OTUD7A: variants seen among roughly 807,000 people sequenced by gnomAD.
The protein encoded by OTUD7A is OTU deubiquitinase 7A.
In OTUD7A, 12 loss-of-function variants were observed where a neutral mutation model predicts 65.7. The observed-to-expected ratio is 0.18, with a 90% CI of 0.12 to 0.30. The LOEUF (loss-of-function observed/expected upper bound fraction) is 0.30. OTUD7A is among the 10% of genes least tolerant of loss of function. OTUD7A has a pLI of 1.00. For missense variants in OTUD7A, 1,148 were observed against 1,304.8 expected (o/e 0.88, Z 1.85); for synonymous variants, 641 against 586.3 (o/e 1.09, Z -1.35).
rs530667183 is a variant in OTUD7A at position 31,628,693 on chromosome 15, AT to A, written c.151+26402del. 4.4e-3 allele frequency among the ~76,000 whole-genome samples: 663 copies of A among 152,166 alleles called. 6 individuals are homozygous for A. The highest frequency in any genetic ancestry group is 0.015 in the African/African-American group (637 of 41,504). ...ATAAATTACCTTGGGCAGTATGGCCATTTTCACGATATTGATTCTTCCTACC... is the reference window on the plus strand; with the variant it reads ...ATAAATTACCTTGGGCAGTATGGCCATTTCACGATATTGATTCTTCCTACC... On this transcript the variant is annotated intron_variant, in intron 3 of 12. Coordinates refer to ENST00000307050, the MANE Select transcript of OTUD7A (RefSeq NM_001382637.1).
intron 9 of OTUD7A, among the ~76,000 whole-genome samples, chr15:31,503,059 C>T (rs916400984): frequency 1.3e-5 from 2 of 152,196 alleles, no homozygotes; most frequent in African/African-American, 4.8e-5. Flanking sequence ...GGCTGATCCC[C>T]GCTGGGGACA....
At chr15:31,513,520 G>C (rs1396219325) in intron 8 of OTUD7A, among the ~76,000 whole-genome samples, 1 of 152,188 alleles carries the variant, frequency 6.6e-6, no homozygotes, top group African/African-American at 2.4e-5. Context: ...CCTTCACCTG[G>C]AACATTTCTC....
intron 1 of OTUD7A, among the ~76,000 whole-genome samples, chr15:31,757,076 C>CTG: frequency 6.6e-6 from 1 of 152,240 alleles, no homozygotes; most frequent in East Asian, 1.9e-4. Flanking sequence ...TCTTTAACCT[C>CTG]TGTCCCTGTC....
At chr15:31,609,135 C>T (rs1216430180) in intron 3 of OTUD7A, among the ~76,000 whole-genome samples, 1 of 152,178 alleles carries the variant, frequency 6.6e-6, no homozygotes, top group African/African-American at 2.4e-5. Flanking sequence ...CCTGTCACCA[C>T]AGGGATCGGG....
rs1438083109 is a variant in OTUD7A, at chr15:31,657,047, C to T, written c.-69G>A. ...TTCTCTCCATGCACTGGGGCCTCGG[C>T]CGGGAGAGTCTCTTCTTTCGTCACT... On this transcript the variant is annotated 5_prime_UTR_variant, in exon 2 of 13. Transcript: ENST00000307050. 4 of 152,652 alleles carry T rather than the reference C, an allele frequency of 2.6e-5. No homozygotes were observed. Among genetic ancestry groups the T allele is most frequent in the African/African-American group, 9.7e-5 (4 of 41,446 alleles). The allele number at this position is 152,652 out of a possible 1,614,324, so 9.5% of individuals were successfully genotyped here.
chr15:31,558,767 T>C (rs1205324575), intron 5 of OTUD7A: 1 of 617,080 alleles, frequency 1.6e-6, no homozygotes, highest in African/African-American at 1.8e-5. Flanking sequence ...ACCACCTAGT[T>C]ATCGGCCCCT....
At chr15:31,848,143 G>C (rs968900679) in intron 1 of OTUD7A, among the ~76,000 whole-genome samples, 1 of 152,202 alleles carries the variant, frequency 6.6e-6, no homozygotes, top group African/African-American at 2.4e-5. Context: ...CAGTGAGGCA[G>C]GCTCATGGCT....
chr15:31,672,869 A>G (rs1892514445), intron 1 of OTUD7A, among the ~76,000 whole-genome samples: 2 of 152,216 alleles, frequency 1.3e-5, no homozygotes, highest in Non-Finnish European at 2.9e-5. Context: ...ATTTGGGAAT[A>G]GCAGTAAGTG....
rs746890431 is a variant in OTUD7A, at chr15:31,484,437, G to A, written c.1659C>T (p.Ala553=). ...CCCCGTTCTTGCCATTGGCGGAGTT[G>A]GCGCGGCCCATCTTGCCGTGCACCA... ...GGLVHGKMGR[A]NSANGKNGDS... is the part of the protein sequence containing the mutation. The change falls in exon 13 of 13, where the codon GCC becomes GCT. Residue 553 remains alanine, a synonymous_variant. Coordinates refer to ENST00000307050, the MANE Select transcript of OTUD7A (RefSeq NM_001382637.1). This position sits in a 1 kb window ranked among gnomAD's most constrained non-coding sequence, Gnocchi z 4.5. 64 of 1,603,200 alleles carry A rather than the reference G, an allele frequency of 4.0e-5. No homozygotes were observed. The highest frequency in any genetic ancestry group is 5.3e-5 in the Non-Finnish European group (62 of 1,179,896).
intron 4 of OTUD7A, among the ~76,000 whole-genome samples, chr15:31,566,066 C>A (rs1384788140): frequency 3.3e-5 from 5 of 151,906 alleles, no homozygotes; most frequent in Admixed American, 6.6e-5. Context: ...GTGGCGGGTG[C>A]CTGTGTCCCA....
chr15:31,610,610 T>C (rs2141222253), intron 3 of OTUD7A, among the ~76,000 whole-genome samples: 1 of 47,670 alleles, frequency 2.1e-5, no homozygotes, highest in East Asian at 9.4e-4. Context: ...TATATATATA[T>C]ATATATATTT....
rs2041122185 is a variant in OTUD7A, at chr15:31,481,716, TCAAA to T, written c.*1574_*1577del. 6.6e-6 allele frequency: 1 copy of T among 152,214 alleles called. No individual in the cohort carries two copies. Among genetic ancestry groups the T allele is most frequent in the South Asian group, 2.1e-4 (1 of 4,808 alleles). 9.4% of individuals were successfully genotyped at this position (152,214 alleles called of 1,614,324 possible). Reference sequence around the variant, plus strand: ...TACTCAATTATTTTATTATAATTTCTCAAACAAGTAAAAAAAATCCCCTCGCCCC... The same window carrying T: ...TACTCAATTATTTTATTATAATTTCTCAAGTAAAAAAAATCCCCTCGCCCC... On this transcript the variant is annotated 3_prime_UTR_variant, in exon 13 of 13. Transcript: ENST00000307050.
intron 1 of OTUD7A, among the ~76,000 whole-genome samples, chr15:31,865,301 A>AC (rs1897850013): frequency 6.6e-6 from 1 of 152,196 alleles, no homozygotes; most frequent in African/African-American, 2.4e-5. Flanking sequence ...TTGTCTTGAA[A>AC]CCTCAAATCA....
At position 31,531,520 on chromosome 15, in the gene OTUD7A, CAAAAA is replaced by C. The variant is rs60332452; in HGVS notation, c.551-717_551-713del. 7.4e-3 allele frequency among the ~76,000 whole-genome samples: 591 copies of C among 80,156 alleles called. 4 individuals are homozygous for C. The highest frequency in any genetic ancestry group is 0.024 in the African/African-American group (563 of 23,914). 52.6% of individuals were successfully genotyped at this position (80,156 alleles called of 152,430 possible). ...AAAACGAACCAATGAGAGTAGGCCA[CAAAAA>C]AAAAAAAAAAAAAAAAGATAGAAAA... On this transcript the variant is annotated intron_variant, in intron 5 of 12. Coordinates refer to ENST00000307050, the MANE Select transcript of OTUD7A (RefSeq NM_001382637.1).
chr15:31,635,210 A>G (rs1891302718), intron 3 of OTUD7A, among the ~76,000 whole-genome samples: 3 of 151,710 alleles, frequency 2.0e-5, no homozygotes. Flanking sequence ...ATCTAGAAAG[A>G]CTCTCCTTTG....
At chr15:31,755,804 TACCTTCG>T (rs957785104) in intron 1 of OTUD7A, among the ~76,000 whole-genome samples, 11 of 152,218 alleles carry the variant, frequency 7.2e-5, no homozygotes, top group Non-Finnish European at 1.5e-4. Flanking sequence ...CTTCTCAATC[TACCTTCG>T]AGCTTTGGCC....
chr15:31,699,209 A>T (rs1893156046), intron 1 of OTUD7A, among the ~76,000 whole-genome samples: 3 of 151,224 alleles, frequency 2.0e-5, no homozygotes, highest in African/African-American at 4.9e-5. Context: ...CCTCCCGAGT[A>T]GCTGGGACTA....
chr15:31,776,415 A>G (rs1234808290), intron 1 of OTUD7A, among the ~76,000 whole-genome samples: 1 of 152,122 alleles, frequency 6.6e-6, no homozygotes, highest in East Asian at 1.9e-4. Context: ...GGAGAGTGGG[A>G]GCAAGGCACA....
At chr15:31,743,981 G>A (rs1169202572) in intron 1 of OTUD7A, among the ~76,000 whole-genome samples, 1 of 152,102 alleles carries the variant, frequency 6.6e-6, no homozygotes, top group African/African-American at 2.4e-5. Context: ...ATACTGTGAA[G>A]AAATATGTTC....
Sources: allele counts gnomAD v4.1 joint callset (sites outside exome capture counted in the v4.1 genomes callset), GRCh38; gene constraint gnomAD v4.1.1; non-coding constraint Gnocchi (gnomAD v3.1); transcripts MANE v1.5; gene names NCBI Gene and HGNC (gene_info 2026-07-23, HGNC 2026-07-21).